The following ATG2A variants were observed in gnomAD, a reference collection of about 807,000 sequenced individuals.
ATG2A encodes the protein autophagy-related protein 2 homolog A.
A neutral mutation model predicts 214.2 loss-of-function variants in ATG2A; 103 were observed. The observed-to-expected ratio is 0.48, with a 90% CI of 0.41 to 0.57. The LOEUF (loss-of-function observed/expected upper bound fraction) is 0.57. Among genes scored for constraint, ATG2A ranks in the 20% least tolerant of loss-of-function variants. The pLI is 0.00. For missense variants in ATG2A, 2,312 were observed against 2,613.2 expected (o/e 0.88, Z 2.51); for synonymous variants, 1,160 against 1,142.1 (o/e 1.02, Z -0.32).
rs1435027154 is a variant in ATG2A, at chr11:64,900,872, GCTC to G, written c.4328+9_4328+11del. ...CCTTCACCAGCTGCCACCTGCACCC[GCTC>G]CTCCTCACCTGTGGCCGGGGTGGGG... is the stretch of plus-strand genomic sequence containing the variant. On this transcript the variant is annotated intron_variant, in intron 30 of 40. Transcript: ENST00000377264. 2 of 1,549,194 alleles carry G rather than the reference GCTC, an allele frequency of 1.3e-6. No homozygotes were observed. Among genetic ancestry groups the G allele is most frequent in the Non-Finnish European group, 1.7e-6 (2 of 1,147,392 alleles).
chr11:64,910,955 C>T lies in ATG2A; in HGVS notation c.1467-1G>A, dbSNP rs1236073141. 6.2e-7 allele frequency: 1 copy of T among 1,613,434 alleles called. No homozygotes were observed. Among genetic ancestry groups the T allele is most frequent in the Non-Finnish European group, 8.5e-7 (1 of 1,180,024 alleles). Reference sequence around the variant, plus strand: ...CAGCTGCACGGCTGTGCCCGTTAGCCTGCGGGGAAGAGGACAGGCGTCAGA... The same window carrying T: ...CAGCTGCACGGCTGTGCCCGTTAGCTTGCGGGGAAGAGGACAGGCGTCAGA... On this transcript the variant is annotated splice_acceptor_variant, in intron 10 of 40. Transcript: ENST00000377264. LOFTEE classifies it high-confidence loss of function.
chr11:64,902,810 A>G (rs1311041558), intron 26 of ATG2A, 130 bp from the exon 27 acceptor site: 7 of 789,082 alleles, frequency 8.9e-6, no homozygotes, highest in African/African-American at 1.7e-5. Flanking sequence ...TCTCTCCTGG[A>G]GTGGATGACC....
chr11:64,895,142 G>A lies in ATG2A; in HGVS notation c.5648C>T (p.Thr1883Met), dbSNP rs750008738. The change falls in exon 41 of 41, where the codon ACG (threonine) becomes ATG (methionine). Residue 1883 changes from threonine to methionine, a missense_variant. Thr to Met is a moderately conservative substitution (Grantham distance 81). Coordinates refer to ENST00000377264, the MANE Select transcript of ATG2A (RefSeq NM_015104.3). This position sits in a 1 kb window ranked among gnomAD's most constrained non-coding sequence, Gnocchi z 5.0. ...ASRGHEQKGL[T>M]GAVGGVIRQL... ...GCGGATCACGCCCCCCACGGCGCCC[G>A]TCAGCCCCTTCTGCTCATGGCCCCG... The A allele has an allele frequency of 8.7e-6, 14 of 1,613,026 alleles. No homozygotes were observed. In the Admixed American group the frequency reaches 1.3e-4, roughly 15 times the overall value.
At position 64,906,721 on chromosome 11, in the gene ATG2A, T is replaced by A; in HGVS notation, c.2927A>T (p.Gln976Leu). Residue 976 changes from glutamine (Q) to leucine (L), a missense_variant, in exon 20 of 41, where the codon CAG (glutamine) becomes CTG (leucine). Physicochemically the swap from Gln to Leu is moderately radical, Grantham distance 113. Transcript: ENST00000377264. Reference protein sequence around the residue: ...TLFSVSQYCGQPGLGYFCLEA... With the variant: ...TLFSVSQYCGLPGLGYFCLEA... ...CAGACAGAAGTAGCCAAGTCCTGGC[T>A]GGCCACAGTACTGGGAGACGCTGAA... is the stretch of plus-strand genomic sequence containing the variant. 1 of 1,613,716 alleles carries A rather than the reference T, an allele frequency of 6.2e-7. No individual in the cohort carries two copies. The highest frequency in any genetic ancestry group is 8.5e-7 in the Non-Finnish European group (1 of 1,180,032).
Position 64,907,655 on chromosome 11 carries a change from G to A in ATG2A, c.2517C>T (p.Asn839=), listed in dbSNP as rs140012093. Residue 839 remains asparagine, a synonymous_variant, in exon 18 of 41, where the codon AAC becomes AAT. Coordinates refer to ENST00000377264, the MANE Select transcript of ATG2A (RefSeq NM_015104.3). ...CTGCAGGCTCCCACATGAGCAGGTC[G>A]TTGTTGATCCTGAGATAGGCGGGTG... is the stretch of plus-strand genomic sequence containing the variant. ...VYESIYNRIN[N]DLLMWEPADL... The A allele has an allele frequency of 1.2e-3, 1,918 of 1,600,882 alleles. 19 individuals are homozygous for A. The African/African-American group carries it at 0.023, about 19-fold the overall frequency.
At chr11:64,900,114 C>T (rs1944301205) in intron 31 of ATG2A, among the ~76,000 whole-genome samples, 2 of 149,200 alleles carry the variant, frequency 1.3e-5, no homozygotes, top group Admixed American at 1.4e-4. Context: ...GATCTGCTCT[C>T]TTCGGCCTTC....
In ATG2A at chr11:64,896,827, C is replaced by T; in HGVS notation, c.5193G>A (p.Glu1731=). Residue 1731 remains glutamate (E), a synonymous_variant, in exon 38 of 41, where the codon GAG becomes GAA. Coordinates refer to ENST00000377264, the MANE Select transcript of ATG2A (RefSeq NM_015104.3). ...VDKVLGYALN[E]WLQDIRKNQL... ...GGTTCTTGCGGATGTCCTGCAGCCA[C>T]TCGTTGAGGGCATAGCCCAGCACCT... 2 of 1,614,204 alleles carry T rather than the reference C, an allele frequency of 1.2e-6. No individual in the cohort carries two copies. Among genetic ancestry groups the T allele is most frequent in the Non-Finnish European group, 1.7e-6 (2 of 1,180,036 alleles).
chr11:64,912,301 ACCC>A (rs1565068341), intron 7 of ATG2A, 23 bp downstream of exon 7: 1 of 927,554 alleles, frequency 1.1e-6, no homozygotes, highest in African/African-American at 2.0e-5. Context: ...CAGCCACCCC[ACCC>A]CCATGCCACC....
At chr11:64,912,552 C>A in intron 6 of ATG2A, 129 bp from the exon 7 acceptor site, 1 of 729,364 alleles carries the variant, frequency 1.4e-6, no homozygotes. Context: ...TACCAACTAG[C>A]TCTATGAACC....
chr11:64,915,932 A>G (rs988072257), intron 1 of ATG2A, among the ~76,000 whole-genome samples: 1 of 152,088 alleles, frequency 6.6e-6, no homozygotes, highest in Admixed American at 6.6e-5. Flanking sequence ...CCCCCAGTTC[A>G]GGGCCCACGA....
intron 16 of ATG2A, among the ~76,000 whole-genome samples, chr11:64,908,783 G>A (rs1413722921): frequency 2.0e-5 from 3 of 152,170 alleles, no homozygotes; most frequent in Non-Finnish European, 4.4e-5. Context: ...CTCCCCAGGG[G>A]CCTGCCCTCA....
Position 64,900,980 on chromosome 11 carries a change from TG to T in ATG2A, c.4231del (p.His1411IlefsTer76). The T allele has an allele frequency of 1.3e-6, 2 of 1,588,412 alleles. No homozygotes were observed. Among genetic ancestry groups the T allele is most frequent in the Admixed American group, 1.8e-5 (1 of 56,960 alleles). Reference sequence around the variant, plus strand: ...CACCCGAGTGCTGGGCACTGGGAAATGGGCAGGTGCCCGCAGCAAGTCCGTG... The same window carrying T: ...CACCCGAGTGCTGGGCACTGGGAAATGGCAGGTGCCCGCAGCAAGTCCGTG... ...GSTDLLRAPA[H>X]FPVPSTRVVL... is the part of the protein sequence containing the mutation. On this transcript the variant is annotated frameshift_variant, in exon 30 of 41. Coordinates refer to ENST00000377264, the MANE Select transcript of ATG2A (RefSeq NM_015104.3). LOFTEE classifies it high-confidence loss of function.
rs189281733 is a variant in ATG2A, at chr11:64,903,496, G to A, written c.3535+94C>T. On this transcript the variant is annotated intron_variant, in intron 25 of 40. Transcript: ENST00000377264. The surrounding 1 kb of genome is among the most constrained non-coding windows in gnomAD (Gnocchi z 4.2). ...GGCTACGTGTGGGAGCTAAGGACCC[G>A]GCCAGCAGCTGCGGGGAGACACCTG... is the stretch of plus-strand genomic sequence containing the variant. The A allele has an allele frequency of 8.8e-4, 1,309 of 1,482,456 alleles. 10 individuals carry two copies. The African/African-American group carries it at 0.014, about 16-fold the overall frequency. 91.8% of individuals were successfully genotyped at this position (1,482,456 alleles called of 1,614,324 possible).
In ATG2A at chr11:64,895,098, CCA is replaced by C. The variant is rs760076537; in HGVS notation, c.5690_5691del (p.Val1897GlyfsTer58). On this transcript the variant is annotated frameshift_variant, in exon 41 of 41. Transcript: ENST00000377264. LOFTEE classifies it high-confidence loss of function. This position sits in a 1 kb window ranked among gnomAD's most constrained non-coding sequence, Gnocchi z 5.0. The stretch of plus-strand genomic sequence containing the variant: ...TCCGTGGCCAGGATGAGCGGCTTCA[CCA>C]CAGTCGGGGGCAGCTGGCGGATCAC... ...GGVIRQLPPT[V>X]VKPLILATEA... 3.1e-6 allele frequency: 5 copies of C among 1,613,072 alleles called. No individual in the cohort carries two copies. Among genetic ancestry groups the C allele is most frequent in the Non-Finnish European group, 4.2e-6 (5 of 1,179,802 alleles).
intron 26 of ATG2A, 24 bp from the exon 27 acceptor site, chr11:64,902,704 C>A: frequency 6.3e-7 from 1 of 1,598,978 alleles, no homozygotes; most frequent in South Asian, 1.1e-5. Flanking sequence ...GTGGGGGGAG[C>A]AGCTATGTGA....
At position 64,905,666 on chromosome 11, in the gene ATG2A, T is replaced by TA; in HGVS notation, c.3372-12dup. The TA allele has an allele frequency of 6.2e-7, 1 of 1,613,742 alleles. No homozygotes were observed. The highest frequency in any genetic ancestry group is 8.5e-7 in the Non-Finnish European group (1 of 1,179,900). On this transcript the variant is annotated splice_polypyrimidine_tract_variant and intron_variant, in intron 23 of 40. Coordinates refer to ENST00000377264, the MANE Select transcript of ATG2A (RefSeq NM_015104.3). ...GGGAGGTAGAGTGGCCTGGGGGTGA[T>TA]ACTCGGGCTGGGGCCGGCTCCTTAC...
rs1590621603 is a variant in ATG2A, at chr11:64,897,765, G to A, written c.4995-22C>T. Reference sequence around the variant, plus strand: ...CTCTCTGGGTAGGGGAGCAGGAAGAGGGGGTTCTTTGCTCACTGGCCTGGC... The same window carrying A: ...CTCTCTGGGTAGGGGAGCAGGAAGAAGGGGTTCTTTGCTCACTGGCCTGGC... On this transcript the variant is annotated intron_variant, in intron 35 of 40. Coordinates refer to ENST00000377264, the MANE Select transcript of ATG2A (RefSeq NM_015104.3). 22 of 1,614,108 alleles carry A rather than the reference G, an allele frequency of 1.4e-5. No individual in the cohort carries two copies. In the East Asian group the frequency reaches 2.9e-4, roughly 21 times the overall value.
Position 64,897,429 on chromosome 11 carries a change from C to A in ATG2A, c.5133G>T (p.Arg1711=), listed in dbSNP as rs949244556. 2 of 1,567,536 alleles carry A rather than the reference C, an allele frequency of 1.3e-6. No individual in the cohort carries two copies. The highest frequency in any genetic ancestry group is 2.7e-5 in the African/African-American group (2 of 73,976). The part of the protein sequence containing the change: ...QLNCSELKLK[R]LCCRHGLLGV... ...GGACTCACCCGTGCCTGCAACAGAG[C>A]CGCTTTAGCTTCAGCTCGGAGCAGT... is the stretch of plus-strand genomic sequence containing the variant. Residue 1711 remains arginine (R), a synonymous_variant, in exon 37 of 41, where the codon CGG becomes CGT. Transcript: ENST00000377264.
intron 37 of ATG2A, 49 bp downstream of exon 37, chr11:64,897,363 G>A: frequency 6.5e-7 from 1 of 1,543,288 alleles, no homozygotes; most frequent in Non-Finnish European, 8.8e-7. Flanking sequence ...GACCAGAACA[G>A]AAGGAAGATC....
Sources: allele counts gnomAD v4.1 joint callset (sites outside exome capture counted in the v4.1 genomes callset), GRCh38; gene constraint gnomAD v4.1.1; non-coding constraint Gnocchi (gnomAD v3.1); transcripts MANE v1.5; gene names NCBI Gene and HGNC (gene_info 2026-07-23, HGNC 2026-07-21).